FAR1: variants seen among roughly 807,000 people sequenced by gnomAD.
FAR1 encodes the protein fatty acyl-CoA reductase 1.
Under a neutral mutation model 61.1 loss-of-function variants are expected in FAR1, and 22 were observed. That is an observed-to-expected ratio of 0.36 (90% CI 0.26 to 0.51). FAR1 has a LOEUF of 0.51. Among genes scored for constraint, FAR1 ranks in the 20% least tolerant of loss-of-function variants. FAR1 has a pLI of 0.95. For synonymous variants in FAR1, 206 were observed against 209.7 expected (o/e 0.98, Z 0.15); for missense variants, 359 against 626.9 (o/e 0.57, Z 4.56).
At chr11:13,693,097 G>GGA (rs1453037708) in intron 1 of FAR1, among the ~76,000 whole-genome samples, 1 of 152,000 alleles carries the variant, frequency 6.6e-6, no homozygotes, top group East Asian at 1.9e-4. Context: ...TTTAAGGTGG[G>GGA]GATATCCAAG....
At chr11:13,709,950 G>A (rs1403926971) in intron 4 of FAR1, among the ~76,000 whole-genome samples, 1 of 151,932 alleles carries the variant, frequency 6.6e-6, no homozygotes, top group East Asian at 1.9e-4. Flanking sequence ...CTAGTATATC[G>A]CCCTCCTTTT....
intron 2 of FAR1, 95 bp downstream of exon 2, chr11:13,695,049 G>T: frequency 9.6e-7 from 1 of 1,041,188 alleles, no homozygotes; most frequent in Non-Finnish European, 1.3e-6. Context: ...TATTTCTTCA[G>T]TATTCTGAAA....
At chr11:13,677,124 CT>C (rs1848076253) in intron 1 of FAR1, among the ~76,000 whole-genome samples, 1 of 152,164 alleles carries the variant, frequency 6.6e-6, no homozygotes, top group Non-Finnish European at 1.5e-5. Context: ...AGTATATTAA[CT>C]TTAGCATGGT....
chr11:13,719,216 A>G (rs938879667), intron 9 of FAR1, among the ~76,000 whole-genome samples: 14 of 152,210 alleles, frequency 9.2e-5, no homozygotes, highest in African/African-American at 3.4e-4. Flanking sequence ...AACGTTAAGG[A>G]AACAGTCTTC....
At chr11:13,682,909 G>A (rs1021337333) in intron 1 of FAR1, among the ~76,000 whole-genome samples, 1 of 152,010 alleles carries the variant, frequency 6.6e-6, no homozygotes, top group African/African-American at 2.4e-5. Flanking sequence ...ACTGCACTCA[G>A]CCAGTTCCCC....
At chr11:13,726,197 C>A (rs1032177592) in intron 10 of FAR1, among the ~76,000 whole-genome samples, 1 of 151,922 alleles carries the variant, frequency 6.6e-6, no homozygotes, top group African/African-American at 2.4e-5. Flanking sequence ...ATATATTAAG[C>A]CACACAAGCC....
At chr11:13,675,053 C>CTT (rs10649288) in intron 1 of FAR1, among the ~76,000 whole-genome samples, 23,794 of 144,074 alleles carry the variant, frequency 0.17, 2,041 homozygotes, top group South Asian at 0.25. Context: ...AATCCCTAGA[C>CTT]TTTTTTTTTT....
chr11:13,712,146 C>G, intron 7 of FAR1, 100 bp downstream of exon 7: 1 of 840,026 alleles, frequency 1.2e-6, no homozygotes, highest in Non-Finnish European at 2.0e-6. Flanking sequence ...CCAGATATTG[C>G]CATACCAATA....
At chr11:13,670,035 C>T (rs540679940) in intron 1 of FAR1, 1 of 152,102 alleles carries the variant, frequency 6.6e-6, no homozygotes, top group Non-Finnish European at 1.5e-5. Context: ...TGAGAATTAA[C>T]GTATAAGTAC....
At chr11:13,706,639 ACT>A (rs1384537713) in intron 3 of FAR1, among the ~76,000 whole-genome samples, 3 of 151,830 alleles carry the variant, frequency 2.0e-5, no homozygotes, top group Admixed American at 6.6e-5. Flanking sequence ...CCTAAAATCC[ACT>A]CTTTTTGTAA....
chr11:13,721,445 C>T lies in FAR1; in HGVS notation c.1128-285C>T. The T allele has an allele frequency of 1.2e-5, 3 of 241,452 alleles. No individual in the cohort carries two copies. Among genetic ancestry groups the T allele is most frequent in the Non-Finnish European group, 2.4e-5 (3 of 126,670 alleles). The allele number at this position is 241,452 out of a possible 1,614,324, so 15.0% of individuals were successfully genotyped here. ...TAGAAAATTTAAGAGTATTGTATACCCTTTGAGAATTAATTCTGTATATCA... is the reference window on the plus strand; with the variant it reads ...TAGAAAATTTAAGAGTATTGTATACTCTTTGAGAATTAATTCTGTATATCA... On this transcript the variant is annotated intron_variant, in intron 9 of 11. Transcript: ENST00000354817. The surrounding 1 kb of genome is among the most constrained non-coding windows in gnomAD (Gnocchi z 4.2).
At chr11:13,704,974 A>C (rs1848417517) in intron 3 of FAR1, among the ~76,000 whole-genome samples, 1 of 152,206 alleles carries the variant, frequency 6.6e-6, no homozygotes, top group Non-Finnish European at 1.5e-5. Flanking sequence ...GGTCTTTAGA[A>C]GTATTATCAA....
intron 9 of FAR1, among the ~76,000 whole-genome samples, chr11:13,717,058 C>T (rs1848564665): frequency 6.6e-6 from 1 of 150,734 alleles, no homozygotes; most frequent in Non-Finnish European, 1.5e-5. Context: ...TTGGAAAGTA[C>T]AATCTGCTAT....
intron 2 of FAR1, 56 bp from the exon 3 acceptor site, chr11:13,700,261 A>G (rs1848355520): frequency 7.7e-7 from 1 of 1,300,624 alleles, no homozygotes; most frequent in African/African-American, 1.5e-5. Context: ...GGTGATAATG[A>G]GTTTTAGAAA....
intron 7 of FAR1, among the ~76,000 whole-genome samples, 162 bp from the exon 8 acceptor site, chr11:13,712,804 A>G (rs1848514706): frequency 6.6e-6 from 1 of 152,136 alleles, no homozygotes; most frequent in Non-Finnish European, 1.5e-5. Context: ...GTAGTTGTAA[A>G]TAGTCATTAA....
At chr11:13,708,258 G>C (rs1222284394) in intron 4 of FAR1, among the ~76,000 whole-genome samples, 179 bp downstream of exon 4, 3 of 151,876 alleles carry the variant, frequency 2.0e-5, no homozygotes, top group South Asian at 4.2e-4. Flanking sequence ...CAGCTACTTA[G>C]GAGGCTGAAG....
chr11:13,712,843 A>T (rs1199901225), intron 7 of FAR1, 123 bp from the exon 8 acceptor site: 8 of 525,124 alleles, frequency 1.5e-5, no homozygotes, highest in East Asian at 3.2e-5. Context: ...AAGGATAATT[A>T]AAAAAAAATA....
chr11:13,691,980 C>A (rs779388781), intron 1 of FAR1, among the ~76,000 whole-genome samples: 31 of 152,106 alleles, frequency 2.0e-4, no homozygotes, highest in Non-Finnish European at 3.7e-4. Context: ...CCAGCCTGGC[C>A]AACATGGAGA....
chr11:13,685,162 C>G (rs1236987194), intron 1 of FAR1, among the ~76,000 whole-genome samples: 1 of 152,098 alleles, frequency 6.6e-6, no homozygotes, highest in East Asian at 1.9e-4. Context: ...AGAAGATGGT[C>G]TTCTGAGTAG....
Sources: gnomAD v4.1 joint callset for allele counts (sites outside exome capture counted in the v4.1 genomes callset) on GRCh38, gnomAD v4.1.1 for gene constraint, Gnocchi (gnomAD v3.1) non-coding constraint, MANE v1.5 for transcripts, NCBI Gene and HGNC (gene_info 2026-07-23, HGNC 2026-07-21) for gene names.